Variants in SUCO observed in about 807,000 individuals in gnomAD.
SUCO encodes the protein SUN domain-containing ossification factor.
In SUCO, 57 loss-of-function variants were observed where a neutral mutation model predicts 148.1. The observed-to-expected ratio is 0.38, with a 90% CI of 0.31 to 0.48. The LOEUF (loss-of-function observed/expected upper bound fraction) is 0.48. SUCO is among the 20% of genes least tolerant of loss of function. SUCO has a pLI of 0.96. For synonymous variants in SUCO, 470 were observed against 502.7 expected (o/e 0.93, Z 0.87); for missense variants, 1,331 against 1,468.2 (o/e 0.91, Z 1.53).
At chr1:172,560,647 T>G (rs1256436403) in intron 6 of SUCO, among the ~76,000 whole-genome samples, 2 of 152,230 alleles carry the variant, frequency 1.3e-5, no homozygotes, top group African/African-American at 4.8e-5. Flanking sequence ...GCTCATTTAC[T>G]TCTGGTGTTA....
chr1:172,591,867 C>T (rs900566855), intron 19 of SUCO, among the ~76,000 whole-genome samples: 10 of 152,248 alleles, frequency 6.6e-5, no homozygotes, highest in African/African-American at 2.4e-4. Context: ...TGTCTTCCAC[C>T]ATGGTTGAAC....
chr1:172,571,747 C>T lies in SUCO; in HGVS notation c.1049+1017C>T, dbSNP rs1185198314. Among the ~76,000 whole-genome samples, 110 of 22,674 alleles carry T rather than the reference C, an allele frequency of 4.9e-3. 1 individual carries two copies. The highest frequency in any genetic ancestry group is 0.023 in the African/African-American group (94 of 4,032). 14.9% of individuals were successfully genotyped at this position (22,674 alleles called of 152,430 possible). A position where few individuals can be genotyped will look rare whatever the true frequency, so the allele number is the denominator to read the frequency against. On this transcript the variant is annotated intron_variant, in intron 9 of 23. Coordinates refer to ENST00000263688, the MANE Select transcript of SUCO (RefSeq NM_014283.5). ...GATGTGAGGAGCGCCTCTACCCGGG[C>T]GCGACCCCGTCTGGGAGTTGAGGAA...
intron 9 of SUCO, among the ~76,000 whole-genome samples, chr1:172,571,205 C>T (rs900448857): frequency 9.2e-5 from 14 of 152,238 alleles, no homozygotes; most frequent in Non-Finnish European, 1.5e-4. Flanking sequence ...ATTGCAGGCG[C>T]GCGCCACCAC....
intron 1 of SUCO, among the ~76,000 whole-genome samples, chr1:172,546,484 G>A (rs961067419): frequency 1.3e-5 from 2 of 152,162 alleles, no homozygotes; most frequent in African/African-American, 2.4e-5. Flanking sequence ...CATGATTTTC[G>A]TAGTGGCAAC....
Position 172,589,455 on chromosome 1 carries a change from G to A in SUCO, c.2354G>A (p.Ser785Asn), listed in dbSNP as rs755805062. 7 of 1,611,692 alleles carry A rather than the reference G, an allele frequency of 4.3e-6. No homozygotes were observed. The Admixed American group carries it at 1.0e-4, about 23-fold the overall frequency. The change falls in exon 18 of 24, where the codon AGT becomes AAT. Residue 785 changes from serine to asparagine, a missense_variant. By Grantham distance (46) the Ser-to-Asn change is conservative. This residue lies in a region of SUCO where 992 missense variants were observed against 1,093.5 expected (regional missense o/e 0.91). Transcript: ENST00000263688. ...ACAGAACAAAAGTCTGAGAGCTTTA[G>A]TTCTATAGAGAAACCATCTATTACC... is the stretch of plus-strand genomic sequence containing the variant. ...NETEQKSESF[S>N]SIEKPSITYE...
intron 11 of SUCO, 114 bp downstream of exon 11, chr1:172,575,737 A>C (rs76108041): frequency 0.083 from 49,738 of 600,190 alleles, 2,381 homozygotes; most frequent in Middle Eastern, 0.13. Context: ...ACTACACTAT[A>C]CCACTTAATA....
Position 172,575,550 on chromosome 1 carries a change from C to CT in SUCO, c.1194dup (p.His399SerfsTer3). 1.2e-6 allele frequency: 2 copies of CT among 1,611,878 alleles called. No individual in the cohort carries two copies. Among genetic ancestry groups the CT allele is most frequent in the Non-Finnish European group, 1.7e-6 (2 of 1,178,586 alleles). Reference sequence around the variant, plus strand: ...ACAAATAAGTGGATTAAGCTGGGTACTTTTCATGGTAGAGATGAGCGGAAT... The same window carrying CT: ...ACAAATAAGTGGATTAAGCTGGGTACTTTTTCATGGTAGAGATGAGCGGAAT... On this transcript the variant is annotated frameshift_variant, in exon 11 of 24. Coordinates refer to ENST00000263688, the MANE Select transcript of SUCO (RefSeq NM_014283.5). LOFTEE classifies it high-confidence loss of function.
chr1:172,587,920 C>T (rs1236027961), intron 17 of SUCO, among the ~76,000 whole-genome samples: 1 of 152,056 alleles, frequency 6.6e-6, no homozygotes, highest in Non-Finnish European at 1.5e-5. Flanking sequence ...ATTTATAACA[C>T]TGTCCCCATA....
intron 19 of SUCO, among the ~76,000 whole-genome samples, chr1:172,599,198 G>A (rs534668960): frequency 3.3e-5 from 5 of 152,172 alleles, no homozygotes; most frequent in African/African-American, 9.6e-5. Flanking sequence ...GCATAGTGGC[G>A]GGCACCTGTA....
intron 15 of SUCO, among the ~76,000 whole-genome samples, chr1:172,581,233 G>A (rs577966283): frequency 6.6e-6 from 1 of 152,238 alleles, no homozygotes; most frequent in African/African-American, 2.4e-5. Flanking sequence ...ACTTCTGTTT[G>A]GATCTTTCTC....
chr1:172,593,070 CTGTT>C (rs140418425), intron 19 of SUCO, among the ~76,000 whole-genome samples: 27,909 of 151,892 alleles, frequency 0.18, 3,002 homozygotes, highest in South Asian at 0.27. Flanking sequence ...ATTTGGCTCT[CTGTT>C]TGTCTGTTAT....
At chr1:172,562,326 C>T (rs1039046664) in intron 6 of SUCO, among the ~76,000 whole-genome samples, 10 of 134,878 alleles carry the variant, frequency 7.4e-5, no homozygotes, top group Admixed American at 7.2e-4. Flanking sequence ...TGGGTTTTAA[C>T]ATTTTTTTTT....
Position 172,609,902 on chromosome 1 carries a change from AG to A in SUCO, c.3410del (p.Gly1137GlufsTer66). 1 of 1,613,920 alleles carries A rather than the reference AG, an allele frequency of 6.2e-7. No homozygotes were observed. The highest frequency in any genetic ancestry group is 1.1e-5 in the South Asian group (1 of 91,070). On this transcript the variant is annotated frameshift_variant, in exon 24 of 24. Transcript: ENST00000263688. LOFTEE classifies it high-confidence loss of function. Reference sequence around the variant, plus strand: ...ACCCCATAGCCAATGGCGACATAAAAGGAAGAAAGCCCTTTACGAACCAGAG... The same window carrying A: ...ACCCCATAGCCAATGGCGACATAAAAGAAGAAAGCCCTTTACGAACCAGAG... Reference protein sequence around the residue: ...LHPIANGDIKGRKPFTNQRDF... With the variant: ...LHPIANGDIKXRKPFTNQRDF...
At position 172,585,896 on chromosome 1, in the gene SUCO, G is replaced by C; in HGVS notation, c.1606G>C (p.Ala536Pro). ...ATCTGAGAATGCCACTGCCACAGCT[G>C]CACCTAAAATGCCTGAATCAACTCC... ...SISENATATA[A>P]PKMPESTPVS... The change falls in exon 17 of 24, where the codon GCA becomes CCA. Residue 536 changes from alanine to proline, a missense_variant. Physicochemically the swap from Ala to Pro is conservative, Grantham distance 27 (BLOSUM62 -1). Transcript: ENST00000263688. 1 of 1,610,582 alleles carries C rather than the reference G, an allele frequency of 6.2e-7. No homozygotes were observed. Among genetic ancestry groups the C allele is most frequent in the Non-Finnish European group, 8.5e-7 (1 of 1,178,338 alleles).
At chr1:172,553,425 G>T in intron 3 of SUCO, 55 bp downstream of exon 3, 4 of 1,312,920 alleles carry the variant, frequency 3.0e-6, no homozygotes, top group Non-Finnish European at 4.2e-6. Flanking sequence ...TACTTTACAA[G>T]ATTGAAAACC....
rs761088035 is a variant in SUCO, at chr1:172,555,872, A to T, written c.292A>T (p.Thr98Ser). Residue 98 changes from threonine (T) to serine (S), a missense_variant, in exon 4 of 24, where the codon ACA (threonine) becomes TCA (serine). Transcript: ENST00000263688. ...KDDSIVDVQN[T>S]ESKKLSPPVV... ...GCTGACTTGTTTTTTTAAACAGAAT[A>T]CAGAGTCAAAAAAGTTAAGTCCACC... 2 of 1,609,320 alleles carry T rather than the reference A, an allele frequency of 1.2e-6. No individual in the cohort carries two copies. Among genetic ancestry groups the T allele is most frequent in the East Asian group, 4.5e-5 (2 of 44,844 alleles).
Position 172,595,190 on chromosome 1 carries a change from A to T in SUCO, c.2913+4119A>T, listed in dbSNP as rs539550945. Among the ~76,000 whole-genome samples, 7 of 152,138 alleles carry T rather than the reference A, an allele frequency of 4.6e-5. No individual in the cohort carries two copies. In the South Asian group the frequency reaches 1.5e-3, roughly 32 times the overall value. On this transcript the variant is annotated intron_variant, in intron 19 of 23. Transcript: ENST00000263688. Reference sequence around the variant, plus strand: ...GCCTGTGTGTGTCTCTGCACATGAGATGGGTCTCCTAAATACAGCACACTG... The same window carrying T: ...GCCTGTGTGTGTCTCTGCACATGAGTTGGGTCTCCTAAATACAGCACACTG...
At chr1:172,592,852 A>G (rs10798082) in intron 19 of SUCO, among the ~76,000 whole-genome samples, 41,088 of 152,118 alleles carry the variant, frequency 0.27, 5,915 homozygotes, top group South Asian at 0.37. Flanking sequence ...CATTGAATCT[A>G]TAAATTATCT....
chr1:172,542,707 G>T (rs1652566254), intron 1 of SUCO: 3 of 985,222 alleles, frequency 3.0e-6, no homozygotes, highest in South Asian at 4.7e-5. Flanking sequence ...GTGCCAAAAG[G>T]TTGGGGACCG....
Sources: allele counts gnomAD v4.1 joint callset (sites outside exome capture counted in the v4.1 genomes callset), GRCh38; gene constraint gnomAD v4.1.1; regional missense constraint gnomAD v4.1.1; transcripts MANE v1.5; gene names NCBI Gene and HGNC (gene_info 2026-07-23, HGNC 2026-07-21).